Variants in EML1 observed in about 807,000 individuals in gnomAD.
The protein encoded by EML1 is EMAP like 1.
Under a neutral mutation model 110.4 loss-of-function variants are expected in EML1, and 27 were observed. That is an observed-to-expected ratio of 0.24 (90% CI 0.18 to 0.34). The LOEUF is 0.34. Among genes scored for constraint, EML1 ranks in the 10% least tolerant of loss-of-function variants. The probability of loss-of-function intolerance (pLI) is 1.00; values close to 1 mark genes in which losing one functional copy is unlikely to be tolerated. For missense variants in EML1, 741 were observed against 1,030.9 expected (o/e 0.72, Z 3.85); for synonymous variants, 344 against 385.8 (o/e 0.89, Z 1.27).
rs371766133 is a variant in EML1 at position 99,856,407 on chromosome 14, GTC to G, written c.250+5376_250+5377del. Among the ~76,000 whole-genome samples, 249 of 152,144 alleles carry G rather than the reference GTC, an allele frequency of 1.6e-3. 1 individual carries two copies. The highest frequency in any genetic ancestry group is 5.6e-3 in the African/African-American group (231 of 41,484). On this transcript the variant is annotated intron_variant, in intron 2 of 21. Transcript: ENST00000262233. Reference sequence around the variant, plus strand: ...TCATTGTGTGAAATACTATGTTACGGTCTCTTCACAAGTTTTATTAGGTAGGT... The same window carrying G: ...TCATTGTGTGAAATACTATGTTACGGTCTTCACAAGTTTTATTAGGTAGGT...
intron 2 of EML1, among the ~76,000 whole-genome samples, chr14:99,855,508 A>T (rs2058888024): frequency 6.6e-6 from 1 of 152,180 alleles, no homozygotes; most frequent in Non-Finnish European, 1.5e-5. Flanking sequence ...GCTGATTTTC[A>T]TTTTAGTGCA....
At chr14:99,818,467 T>C (rs78448643) in intron 1 of EML1, among the ~76,000 whole-genome samples, 6,311 of 152,190 alleles carry the variant, frequency 0.041, 169 homozygotes, top group Non-Finnish European at 0.056. Flanking sequence ...AAATATGGAA[T>C]CAGTCAAAGA....
At chr14:99,758,776 G>A (rs1439974110) in intron 1 of EML1, among the ~76,000 whole-genome samples, 41 of 152,210 alleles carry the variant, frequency 2.7e-4, no homozygotes, top group Admixed American at 3.9e-4. Flanking sequence ...CCCTGCAACA[G>A]AAGGCTTGCT....
At chr14:99,818,707 G>T (rs1278294555) in intron 1 of EML1, among the ~76,000 whole-genome samples, 1 of 152,116 alleles carries the variant, frequency 6.6e-6, no homozygotes. Context: ...GTAGGTCGTG[G>T]TTGAGGGCCC....
chr14:99,759,075 C>T (rs2057287312), intron 1 of EML1, among the ~76,000 whole-genome samples: 1 of 152,232 alleles, frequency 6.6e-6, no homozygotes, highest in Non-Finnish European at 1.5e-5. Flanking sequence ...GAGTGATTTA[C>T]ATGTTCCTCC....
intron 1 of EML1, among the ~76,000 whole-genome samples, chr14:99,778,672 T>C (rs2057508403): frequency 6.6e-6 from 1 of 152,248 alleles, no homozygotes; most frequent in Non-Finnish European, 1.5e-5. Flanking sequence ...ACAGAAGAGC[T>C]AAGTTTTTGA....
rs2060577885 is a variant in EML1, at chr14:99,940,898, G to A, written c.*786G>A. 1 of 152,072 alleles carries A rather than the reference G, an allele frequency of 6.6e-6. No homozygotes were observed. Among genetic ancestry groups the A allele is most frequent in the African/African-American group, 2.4e-5 (1 of 41,378 alleles). 9.4% of individuals were successfully genotyped at this position (152,072 alleles called of 1,614,324 possible). A position where few individuals can be genotyped will look rare whatever the true frequency, so the allele number is the denominator to read the frequency against. On this transcript the variant is annotated 3_prime_UTR_variant, in exon 22 of 22. Coordinates refer to ENST00000262233, the MANE Select transcript of EML1 (RefSeq NM_004434.3). ...TGCCACCTTCTTGTGTATATTACTT[G>A]GCATGAGATGATATTGTACTTGTAT...
rs116733300 is a variant in EML1, at chr14:99,784,342, C to T, written c.-27+10329C>T. ...TCCTGGACTCAAGGGATCTGCCCAC[C>T]TTGGCCTCCTCAAGTGCTGGGATAA... On this transcript the variant is annotated intron_variant, in intron 1 of 22. Coordinates refer to the EML1 transcript ENST00000327921. The surrounding 1 kb of genome is among the most constrained non-coding windows in gnomAD (Gnocchi z 4.5). 3.5e-3 allele frequency among the ~76,000 whole-genome samples: 539 copies of T among 152,346 alleles called. 4 individuals are homozygous for T. Among genetic ancestry groups the T allele is most frequent in the African/African-American group, 0.013 (520 of 41,582 alleles).
chr14:99,849,462 T>C (rs988677555), intron 1 of EML1, among the ~76,000 whole-genome samples: 1 of 152,150 alleles, frequency 6.6e-6, no homozygotes, highest in Admixed American at 6.6e-5. Context: ...TGCATTTATT[T>C]TGCTTAGTCT....
chr14:99,805,422 A>C (rs1295304759), intron 1 of EML1, among the ~76,000 whole-genome samples: 1 of 152,134 alleles, frequency 6.6e-6, no homozygotes, highest in East Asian at 1.9e-4. Flanking sequence ...TAGTTCTTTC[A>C]GTGTTTCATC....
intron 1 of EML1, among the ~76,000 whole-genome samples, chr14:99,840,039 T>C (rs1284043033): frequency 6.6e-6 from 1 of 152,226 alleles, no homozygotes; most frequent in East Asian, 1.9e-4. Context: ...TGCTTGTATG[T>C]TTCTTTTGCT....
At chr14:99,845,426 G>A (rs2058692319) in intron 1 of EML1, among the ~76,000 whole-genome samples, 1 of 152,098 alleles carries the variant, frequency 6.6e-6, no homozygotes, top group Non-Finnish European at 1.5e-5. Context: ...TCAATAGAGA[G>A]AAACAGAAAA....
At chr14:99,795,856 A>G (rs1272569606) in intron 1 of EML1, among the ~76,000 whole-genome samples, 4 of 152,214 alleles carry the variant, frequency 2.6e-5, no homozygotes. Flanking sequence ...TCATGGTTAC[A>G]GCTTTAGAAA....
rs549829729 is a variant in EML1, at chr14:99,846,052, A to G, written c.68-4801A>G. On this transcript the variant is annotated intron_variant, in intron 1 of 21. Transcript: ENST00000262233. ...GCAATAGAGCAAGACTCTGTCTCAAAAAAAAAAAAAAAAGAAAAGAAAAAG... is the reference window on the plus strand; with the variant it reads ...GCAATAGAGCAAGACTCTGTCTCAAGAAAAAAAAAAAAAGAAAAGAAAAAG... 1.7e-3 allele frequency among the ~76,000 whole-genome samples: 261 copies of G among 149,588 alleles called. 1 individual carries two copies. Among genetic ancestry groups the G allele is most frequent in the Non-Finnish European group, 3.1e-3 (208 of 67,268 alleles).
At chr14:99,737,809 A>T (rs1373327310) in exon 1 of EML1, 2 of 1,289,176 alleles carry the variant, frequency 1.6e-6, no homozygotes, top group East Asian at 5.6e-5. Context: ...GCTGGTGGCC[A>T]GCCGGCCGCC....
At chr14:99,811,962 G>A (rs1225548426) in intron 1 of EML1, among the ~76,000 whole-genome samples, 2 of 151,882 alleles carry the variant, frequency 1.3e-5, no homozygotes, top group Non-Finnish European at 2.9e-5. Context: ...CTGAGGAGGA[G>A]GAAGGGTTGG....
At chr14:99,919,715 T>C (rs888552257) in intron 16 of EML1, among the ~76,000 whole-genome samples, 27 of 152,184 alleles carry the variant, frequency 1.8e-4, no homozygotes, top group Admixed American at 1.2e-3. Flanking sequence ...ATGCTGTTGA[T>C]TTAACAGGTC....
Position 99,827,155 on chromosome 14 carries a change from G to T in EML1, c.68-23698G>T, listed in dbSNP as rs980718418. Among the ~76,000 whole-genome samples the T allele has an allele frequency of 6.6e-6, 1 of 152,158 alleles. No homozygotes were observed. Among genetic ancestry groups the T allele is most frequent in the Non-Finnish European group, 1.5e-5 (1 of 68,040 alleles). On this transcript the variant is annotated intron_variant, in intron 1 of 21. Transcript: ENST00000262233. This position sits in a 1 kb window ranked among gnomAD's most constrained non-coding sequence, Gnocchi z 4.4. ...TGGGGAGAAGACAGCCAGTGAGAGA[G>T]GCCTCAGAAGAAACTAACCCTGGGC...
chr14:99,882,669 A>G (rs74084607), intron 4 of EML1, among the ~76,000 whole-genome samples: 78,698 of 145,948 alleles, frequency 0.54, 22,365 homozygotes, highest in East Asian at 0.87. Context: ...AAAAAAAAAA[A>G]AAAAAAGAAA....
Sources: gnomAD v4.1 joint callset for allele counts (sites outside exome capture counted in the v4.1 genomes callset) on GRCh38, gnomAD v4.1.1 for gene constraint, Gnocchi (gnomAD v3.1) non-coding constraint, MANE v1.5 for transcripts, NCBI Gene and HGNC (gene_info 2026-07-23, HGNC 2026-07-21) for gene names.